TTC7B: variants seen among roughly 807,000 people sequenced by gnomAD.
TTC7B encodes the protein tetratricopeptide repeat domain 7B.
TTC7B carries 28 observed loss-of-function variants against 106.8 expected under a neutral mutation model. That is an observed-to-expected ratio of 0.26 (90% CI 0.19 to 0.36). The LOEUF is 0.36. Ranked by LOEUF, TTC7B falls within the 10% of genes least tolerant of loss-of-function variation. The pLI is 1.00. For missense variants in TTC7B, 862 were observed against 1,076.4 expected (o/e 0.80, Z 2.79); for synonymous variants, 405 against 430.6 (o/e 0.94, Z 0.74).
At chr14:90,761,529 G>A (rs545783935) in intron 3 of TTC7B, among the ~76,000 whole-genome samples, 32 of 151,920 alleles carry the variant, frequency 2.1e-4, no homozygotes, top group Admixed American at 1.9e-3. Context: ...TCTAGCCTCC[G>A]AATTTTCAGA....
intron 13 of TTC7B, among the ~76,000 whole-genome samples, chr14:90,651,163 T>C (rs1257610191): frequency 6.6e-6 from 1 of 152,276 alleles, no homozygotes; most frequent in Non-Finnish European, 1.5e-5. Flanking sequence ...CAAATCATTT[T>C]CACTTACTTA....
chr14:90,635,499 G>A lies in TTC7B; in HGVS notation c.1751+8549C>T, dbSNP rs186238960. 1.6e-3 allele frequency among the ~76,000 whole-genome samples: 236 copies of A among 152,142 alleles called. 4 individuals carry two copies. Among genetic ancestry groups the A allele is most frequent in the Admixed American group, 1.8e-3 (27 of 15,286 alleles). ...ATATAGGCCGGGCGCAGTGGTTCAC[G>A]CCTGTAATCCCAGCACTTTGGGAGG... is the stretch of plus-strand genomic sequence containing the variant. On this transcript the variant is annotated intron_variant, in intron 15 of 19. Transcript: ENST00000328459.
chr14:90,683,015 T>C (rs1348802429), intron 7 of TTC7B, among the ~76,000 whole-genome samples: 1 of 152,204 alleles, frequency 6.6e-6, no homozygotes, highest in East Asian at 1.9e-4. Flanking sequence ...TCCCACATAA[T>C]AGCTTTTTCT....
chr14:90,654,914 G>A, intron 12 of TTC7B, 79 bp downstream of exon 12: 1 of 1,142,538 alleles, frequency 8.8e-7, no homozygotes, highest in Non-Finnish European at 1.3e-6. Flanking sequence ...GACAGAAGGG[G>A]ACTGTGGGAA....
rs1234951082 is a variant in TTC7B at position 90,808,320 on chromosome 14, G to T, written c.121+7855C>A. Reference sequence around the variant, plus strand: ...AGAGAGAGAGAGAAAGACAGAGAGAGACCCAAGAAATGCAGTTCATTCTTC... The same window carrying T: ...AGAGAGAGAGAGAAAGACAGAGAGATACCCAAGAAATGCAGTTCATTCTTC... On this transcript the variant is annotated intron_variant, in intron 1 of 19. Coordinates refer to ENST00000328459, the MANE Select transcript of TTC7B (RefSeq NM_001010854.2). The surrounding 1 kb of genome is among the most constrained non-coding windows in gnomAD (Gnocchi z 4.2). 1.3e-5 allele frequency among the ~76,000 whole-genome samples: 2 copies of T among 152,172 alleles called. No homozygotes were observed. Among genetic ancestry groups the T allele is most frequent in the African/African-American group, 4.8e-5 (2 of 41,440 alleles).
At position 90,527,729 on chromosome 14, in the gene TTC7B, T is replaced by G. The variant is rs1177202548; in HGVS notation, c.*13639A>C. The stretch of plus-strand genomic sequence containing the variant: ...TGTCTGCCACCATGCCCAGCTAATT[T>G]TTTGTAGTTTTGGTAGAGATGGGCT... On this transcript the variant is annotated 3_prime_UTR_variant, in exon 20 of 20. Coordinates refer to ENST00000328459, the MANE Select transcript of TTC7B (RefSeq NM_001010854.2). 6.6e-6 allele frequency: 1 copy of G among 151,768 alleles called. No homozygotes were observed. The highest frequency in any genetic ancestry group is 1.5e-5 in the Non-Finnish European group (1 of 67,982). 9.4% of individuals were successfully genotyped at this position (151,768 alleles called of 1,614,324 possible).
At chr14:90,559,864 A>G (rs1329017358) in intron 19 of TTC7B, among the ~76,000 whole-genome samples, 1 of 152,250 alleles carries the variant, frequency 6.6e-6, no homozygotes, top group Non-Finnish European at 1.5e-5. Flanking sequence ...ACAAACTGCC[A>G]GTGTATGGCA....
At chr14:90,754,684 A>G (rs1185095713) in intron 3 of TTC7B, among the ~76,000 whole-genome samples, 2 of 152,016 alleles carry the variant, frequency 1.3e-5, no homozygotes, top group African/African-American at 2.4e-5. Flanking sequence ...ATTCCAGAAC[A>G]TTTTCATCAC....
intron 3 of TTC7B, among the ~76,000 whole-genome samples, chr14:90,758,630 G>A (rs188166348): frequency 3.3e-5 from 5 of 152,346 alleles, no homozygotes; most frequent in Non-Finnish European, 5.9e-5. Context: ...GCGGCAGCTA[G>A]CAGCGAGTCC....
At position 90,527,251 on chromosome 14, in the gene TTC7B, C is replaced by T. The variant is rs1470736583; in HGVS notation, c.*14117G>A. ...GTGAAGGTGATGTCCTGCCAGGTTT[C>T]TCTGTGGTAATGTTACTATTTTTCC... On this transcript the variant is annotated 3_prime_UTR_variant, in exon 20 of 20. Coordinates refer to ENST00000328459, the MANE Select transcript of TTC7B (RefSeq NM_001010854.2). 1.3e-5 allele frequency: 2 copies of T among 152,068 alleles called. No individual in the cohort carries two copies. Among genetic ancestry groups the T allele is most frequent in the Non-Finnish European group, 2.9e-5 (2 of 68,028 alleles). 9.4% of individuals were successfully genotyped at this position (152,068 alleles called of 1,614,324 possible).
intron 1 of TTC7B, among the ~76,000 whole-genome samples, chr14:90,811,471 T>C (rs750540006): frequency 5.3e-5 from 8 of 152,170 alleles, no homozygotes; most frequent in Non-Finnish European, 1.0e-4. Context: ...GGGAGGACCA[T>C]AGTCCACCCC....
chr14:90,767,756 A>C (rs1890737396), intron 3 of TTC7B, among the ~76,000 whole-genome samples: 1 of 152,224 alleles, frequency 6.6e-6, no homozygotes, highest in Non-Finnish European at 1.5e-5. Context: ...AAGTGAACAG[A>C]GCCTAAGAAA....
Position 90,527,605 on chromosome 14 carries a change from G to A in TTC7B, c.*13763C>T, listed in dbSNP as rs183557554. 1 of 150,646 alleles carries A rather than the reference G, an allele frequency of 6.6e-6. No homozygotes were observed. Among genetic ancestry groups the A allele is most frequent in the East Asian group, 2.0e-4 (1 of 5,078 alleles). 9.3% of individuals were successfully genotyped at this position (150,646 alleles called of 1,614,324 possible). A position where few individuals can be genotyped will look rare whatever the true frequency, so the allele number is the denominator to read the frequency against. ...GATGGAGTCTCACTCTGTCGCCCAG[G>A]TGGGAGTGCAATGGCGCCATCTCGG... On this transcript the variant is annotated 3_prime_UTR_variant, in exon 20 of 20. Coordinates refer to ENST00000328459, the MANE Select transcript of TTC7B (RefSeq NM_001010854.2).
chr14:90,805,139 G>A lies in TTC7B; in HGVS notation c.121+11036C>T, dbSNP rs969968290. On this transcript the variant is annotated intron_variant, in intron 1 of 19. Transcript: ENST00000328459. The surrounding 1 kb of genome is among the most constrained non-coding windows in gnomAD (Gnocchi z 4.0). ...CACAGCCACTCCCAGTCCTGAGCACGTGCCCAGGTCTGCTAAGAGTTACAG... is the reference window on the plus strand; with the variant it reads ...CACAGCCACTCCCAGTCCTGAGCACATGCCCAGGTCTGCTAAGAGTTACAG... Among the ~76,000 whole-genome samples the A allele has an allele frequency of 3.9e-5, 6 of 152,290 alleles. No homozygotes were observed. Among genetic ancestry groups the A allele is most frequent in the African/African-American group, 7.2e-5 (3 of 41,568 alleles).
Position 90,592,938 on chromosome 14 carries a change from C to T in TTC7B, c.2107+548G>A, listed in dbSNP as rs192602606. Among the ~76,000 whole-genome samples, 9 of 152,224 alleles carry T rather than the reference C, an allele frequency of 5.9e-5. No individual in the cohort carries two copies. The East Asian group carries it at 1.5e-3, about 26-fold the overall frequency. ...TCATAGGGCACCAAACACACAGCCCCTTCCCTGGCTTTATAAAGACATCTG... is the reference window on the plus strand; with the variant it reads ...TCATAGGGCACCAAACACACAGCCCTTTCCCTGGCTTTATAAAGACATCTG... On this transcript the variant is annotated intron_variant, in intron 18 of 19. Coordinates refer to ENST00000328459, the MANE Select transcript of TTC7B (RefSeq NM_001010854.2).
chr14:90,737,546 G>GTTTC (rs1889585593), intron 4 of TTC7B, among the ~76,000 whole-genome samples: 2 of 91,750 alleles, frequency 2.2e-5, no homozygotes, highest in African/African-American at 3.7e-5. Context: ...GTATGATTCT[G>GTTTC]TTTTTTTTTT....
intron 11 of TTC7B, among the ~76,000 whole-genome samples, chr14:90,656,051 C>T (rs1324625827): frequency 2.0e-5 from 3 of 152,224 alleles, no homozygotes; most frequent in Admixed American, 2.0e-4. Context: ...TGCCTGCTCA[C>T]AGCCCCAAAC....
chr14:90,753,784 G>A (rs1418788980), intron 3 of TTC7B, among the ~76,000 whole-genome samples: 1 of 152,210 alleles, frequency 6.6e-6, no homozygotes, highest in Non-Finnish European at 1.5e-5. Context: ...CTTAGGAGGT[G>A]TGCTCACAGG....
intron 3 of TTC7B, among the ~76,000 whole-genome samples, chr14:90,755,630 G>C (rs1890264842): frequency 6.6e-6 from 1 of 151,550 alleles, no homozygotes; most frequent in Non-Finnish European, 1.5e-5. Flanking sequence ...CTGCACTCCA[G>C]CCTGGGCAAA....
Sources: allele counts gnomAD v4.1 joint callset (sites outside exome capture counted in the v4.1 genomes callset), GRCh38; gene constraint gnomAD v4.1.1; non-coding constraint Gnocchi (gnomAD v3.1); transcripts MANE v1.5; gene names NCBI Gene and HGNC (gene_info 2026-07-23, HGNC 2026-07-21).